LIPK: variants seen among roughly 807,000 people sequenced by gnomAD.
LIPK encodes the protein lipase family member K, also known as lipase member K.
LIPK carries 32 observed loss-of-function variants against 48.6 expected under a neutral mutation model. That is an observed-to-expected ratio of 0.66 (90% confidence interval 0.50 to 0.88). The LOEUF (loss-of-function observed/expected upper bound fraction) is 0.88, where lower values mean the gene tolerates loss of function less well. Ranked by LOEUF, LIPK falls within the 40% of genes least tolerant of loss-of-function variation. The pLI is 0.00. For missense variants in LIPK, 507 were observed against 478.5 expected, an observed-to-expected ratio of 1.06 and a Z score of -0.56; for synonymous variants, 164 against 157.4, an observed-to-expected ratio of 1.04 and a Z score of -0.32.
chr10:88,742,724 G>C (rs1842701355), intron 8 of LIPK, among the ~76,000 whole-genome samples: 1 of 151,468 alleles, frequency 6.6e-6, no homozygotes, highest in Non-Finnish European at 1.5e-5. Flanking sequence ...ACCTTACACA[G>C]AACTGCGGAA....
intron 3 of LIPK, chr10:88,727,337 C>G (rs1842364062): frequency 4.6e-6 from 1 of 218,588 alleles, no homozygotes; most frequent in African/African-American, 2.4e-5. Context: ...AATAATCTTT[C>G]AAATCCAGGT....
At chr10:88,714,794 G>C (rs190258043) in intron 1 of LIPK, among the ~76,000 whole-genome samples, 11 of 151,988 alleles carry the variant, frequency 7.2e-5, no homozygotes, top group African/African-American at 2.4e-4. Context: ...AGGGTTACTT[G>C]ATTTTTATTA....
At chr10:88,725,176 C>T (rs757377356) in intron 2 of LIPK, among the ~76,000 whole-genome samples, 22 of 152,196 alleles carry the variant, frequency 1.4e-4, no homozygotes, top group South Asian at 2.1e-4. Context: ...ATATAAACGG[C>T]GCACAATTGC....
intron 1 of LIPK, among the ~76,000 whole-genome samples, chr10:88,707,781 T>G (rs1285418302): frequency 6.6e-6 from 1 of 152,204 alleles, no homozygotes; most frequent in South Asian, 2.1e-4. Context: ...CACTTGTTAA[T>G]AGTCTCCTCA....
intron 1 of LIPK, among the ~76,000 whole-genome samples, chr10:88,714,438 T>C (rs1178084335): frequency 6.6e-6 from 1 of 152,186 alleles, no homozygotes; most frequent in African/African-American, 2.4e-5. Flanking sequence ...TTCAGTGTTA[T>C]AACTCTGTAA....
At position 88,706,259 on chromosome 10, in the gene LIPK, G is replaced by A. The variant is rs1841933533; in HGVS notation, c.-73G>A. On this transcript the variant is annotated 5_prime_UTR_variant, in exon 1 of 10. Transcript: ENST00000404190. ...GTTCCACTGACAGTTGCCTCTGGAAGGATCTGGAATGCACCTGAAGCTCCC... is the reference window on the plus strand; with the variant it reads ...GTTCCACTGACAGTTGCCTCTGGAAAGATCTGGAATGCACCTGAAGCTCCC... Among the ~76,000 whole-genome samples, 1 of 152,170 alleles carries A rather than the reference G, an allele frequency of 6.6e-6. No homozygotes were observed. Among genetic ancestry groups the A allele is most frequent in the South Asian group, 2.1e-4 (1 of 4,834 alleles).
chr10:88,744,582 T>C (rs191424724), intron 9 of LIPK, among the ~76,000 whole-genome samples: 4 of 152,046 alleles, frequency 2.6e-5, no homozygotes, highest in African/African-American at 7.2e-5. Flanking sequence ...ACAACTTATA[T>C]CACAGTCATA....
At chr10:88,751,205 A>G (rs961568857) in intron 9 of LIPK, among the ~76,000 whole-genome samples, 5 of 152,122 alleles carry the variant, frequency 3.3e-5, no homozygotes, top group Non-Finnish European at 5.9e-5. Context: ...GTTTTATATT[A>G]AAGGGAAATG....
In LIPK at chr10:88,733,946, G is replaced by A. The variant is rs74147261; in HGVS notation, c.669+1395G>A. On this transcript the variant is annotated intron_variant, in intron 6 of 9. Coordinates refer to ENST00000404190, the MANE Select transcript of LIPK (RefSeq NM_001080518.2). ...TGGGATTCAACTAAGGAGGTATTAG[G>A]GGGCAATGGAAGGAAGTGGTGTCAT... Among the ~76,000 whole-genome samples, 1,204 of 152,270 alleles carry A rather than the reference G, an allele frequency of 7.9e-3. 13 individuals carry two copies. The highest frequency in any genetic ancestry group is 0.028 in the African/African-American group (1,146 of 41,536).
chr10:88,740,709 G>A (rs745932349), intron 8 of LIPK, among the ~76,000 whole-genome samples: 21 of 152,150 alleles, frequency 1.4e-4, no homozygotes, highest in Non-Finnish European at 3.1e-4. Context: ...TTCTTGGCTG[G>A]TGGCTCAGTC....
intron 9 of LIPK, among the ~76,000 whole-genome samples, chr10:88,744,992 G>A (rs867091036): frequency 2.6e-5 from 4 of 152,264 alleles, no homozygotes; most frequent in African/African-American, 9.6e-5. Flanking sequence ...ATAACCAGAA[G>A]TATTAATAGC....
chr10:88,710,163 T>C (rs1196970028), intron 1 of LIPK, among the ~76,000 whole-genome samples: 4 of 152,090 alleles, frequency 2.6e-5, no homozygotes, highest in East Asian at 3.8e-4. Flanking sequence ...TAAAATTCTC[T>C]TGTAATTGAA....
chr10:88,737,423 T>G (rs1842594398), intron 6 of LIPK, among the ~76,000 whole-genome samples: 1 of 152,170 alleles, frequency 6.6e-6, no homozygotes, highest in South Asian at 2.1e-4. Flanking sequence ...AGGGGCATTC[T>G]AAAAACCACC....
rs372706387 is a variant in LIPK, at chr10:88,732,227, A to C, written c.472A>C (p.Ile158Leu). ...YDLPATINFI[I>L]EKTGQKRLYY... ...CCTTCCAGCCACAATCAATTTTATC[A>C]TAGAGAAAACTGGACAGAAGCGACT... is the stretch of plus-strand genomic sequence containing the variant. Residue 158 changes from isoleucine (I) to leucine (L), a missense_variant, in exon 5 of 10, where the codon ATA becomes CTA. By Grantham distance (5) the Ile-to-Leu change is conservative. Coordinates refer to ENST00000404190, the MANE Select transcript of LIPK (RefSeq NM_001080518.2). 2.5e-6 allele frequency: 4 copies of C among 1,612,808 alleles called. No homozygotes were observed. In the South Asian group the frequency reaches 4.4e-5, roughly 18 times the overall value.
intron 8 of LIPK, among the ~76,000 whole-genome samples, chr10:88,740,928 A>G (rs546403798): frequency 6.6e-6 from 1 of 152,234 alleles, no homozygotes; most frequent in African/African-American, 2.4e-5. Context: ...AAATACTTGG[A>G]AGAGTTTGAT....
In LIPK at chr10:88,740,997, C is replaced by T. The variant is rs117426603; in HGVS notation, c.888+930C>T. Among the ~76,000 whole-genome samples the T allele has an allele frequency of 2.7e-4, 41 of 152,260 alleles. 1 individual carries two copies. The East Asian group carries it at 7.5e-3, about 28-fold the overall frequency. On this transcript the variant is annotated intron_variant, in intron 8 of 9. Coordinates refer to ENST00000404190, the MANE Select transcript of LIPK (RefSeq NM_001080518.2). ...GAAAGATGTTCAGGATATAGGGCTT[C>T]CTACTGACGAGGAGACAGATAGGTC...
At chr10:88,742,047 C>T (rs541957372) in intron 8 of LIPK, among the ~76,000 whole-genome samples, 4 of 152,198 alleles carry the variant, frequency 2.6e-5, no homozygotes, top group African/African-American at 4.8e-5. Flanking sequence ...CGTCTTACCA[C>T]GGTGGAGCAG....
intron 8 of LIPK, among the ~76,000 whole-genome samples, chr10:88,740,701 C>A (rs973273325): frequency 6.6e-6 from 1 of 152,148 alleles, no homozygotes; most frequent in African/African-American, 2.4e-5. Context: ...TGCCTATATT[C>A]TTGGCTGGTG....
In LIPK at chr10:88,739,979, A is replaced by T. The variant is rs1842647782; in HGVS notation, c.817-17A>T. The T allele has an allele frequency of 1.3e-6, 2 of 1,589,194 alleles. No individual in the cohort carries two copies. Among genetic ancestry groups the T allele is most frequent in the Non-Finnish European group, 1.7e-6 (2 of 1,159,188 alleles). ...ATGATATGATTAGCCTCTAGATGAGAAGTAATCTCTTTGCAGAGTCGCTTG... is the reference window on the plus strand; with the variant it reads ...ATGATATGATTAGCCTCTAGATGAGTAGTAATCTCTTTGCAGAGTCGCTTG... On this transcript the variant is annotated splice_polypyrimidine_tract_variant and intron_variant, in intron 7 of 9. Coordinates refer to ENST00000404190, the MANE Select transcript of LIPK (RefSeq NM_001080518.2).
Sources: allele counts gnomAD v4.1 joint callset (sites outside exome capture counted in the v4.1 genomes callset), GRCh38; gene constraint gnomAD v4.1.1; transcripts MANE v1.5; gene names NCBI Gene and HGNC (gene_info 2026-07-23, HGNC 2026-07-21).